Variants in HACD2 observed in about 807,000 individuals in gnomAD.
The protein encoded by HACD2 is very-long-chain (3R)-3-hydroxyacyl-CoA dehydratase 2.
In HACD2, 15 loss-of-function variants were observed where a neutral mutation model predicts 31.0. The observed-to-expected ratio is 0.48, with a 90% confidence interval of 0.32 to 0.75. The LOEUF is 0.75. Among genes scored for constraint, HACD2 ranks in the 30% least tolerant of loss-of-function variants. The pLI is 0.03. For missense variants in HACD2, 283 were observed against 313.0 expected (o/e 0.90, Z 0.72); for synonymous variants, 115 against 122.2 (o/e 0.94, Z 0.39).
At chr3:123,500,714 C>A in intron 5 of HACD2, 21 bp from the exon 6 acceptor site, 1 of 1,559,266 alleles carries the variant, frequency 6.4e-7, no homozygotes, top group Non-Finnish European at 8.7e-7. Context: ...ACAAAATATT[C>A]ATTACTGAGG....
chr3:123,567,212 C>T (rs2056801433), intron 3 of HACD2, among the ~76,000 whole-genome samples: 1 of 152,164 alleles, frequency 6.6e-6, no homozygotes, highest in Admixed American at 6.5e-5. Flanking sequence ...CTCTATTCCA[C>T]AGCAATATTT....
chr3:123,560,717 C>T (rs1309480918), intron 3 of HACD2, among the ~76,000 whole-genome samples: 1 of 152,182 alleles, frequency 6.6e-6, no homozygotes, highest in Non-Finnish European at 1.5e-5. Flanking sequence ...GGATTAGAAA[C>T]TTGTTCTTTG....
At chr3:123,519,865 T>C (rs962928799) in intron 4 of HACD2, among the ~76,000 whole-genome samples, 1 of 152,236 alleles carries the variant, frequency 6.6e-6, no homozygotes, top group African/African-American at 2.4e-5. Context: ...CTAACTTTTC[T>C]TGGCTTTGCT....
chr3:123,516,148 A>G (rs936132375), intron 4 of HACD2, among the ~76,000 whole-genome samples: 6 of 152,200 alleles, frequency 3.9e-5, no homozygotes, highest in Non-Finnish European at 8.8e-5. Context: ...TGCTAAACAA[A>G]ATACTATTCC....
chr3:123,529,108 A>C (rs188036595), intron 3 of HACD2, among the ~76,000 whole-genome samples: 98 of 150,114 alleles, frequency 6.5e-4, no homozygotes, highest in South Asian at 1.1e-3. Flanking sequence ...TATTTTCTTT[A>C]TTTATTTTTT....
At chr3:123,514,960 T>C (rs1196286741) in intron 4 of HACD2, among the ~76,000 whole-genome samples, 1 of 152,218 alleles carries the variant, frequency 6.6e-6, no homozygotes, top group Non-Finnish European at 1.5e-5. Flanking sequence ...GTTAGAAACC[T>C]CAGGACACAG....
At chr3:123,526,114 AG>A (rs1363541428) in intron 4 of HACD2, among the ~76,000 whole-genome samples, 1 of 152,012 alleles carries the variant, frequency 6.6e-6, no homozygotes, top group African/African-American at 2.4e-5. Context: ...CTGGCCTCTG[AG>A]GGGCCACAGC....
intron 2 of HACD2, among the ~76,000 whole-genome samples, chr3:123,570,441 G>A (rs1353092252): frequency 6.6e-6 from 1 of 152,164 alleles, no homozygotes; most frequent in South Asian, 2.1e-4. Context: ...AAGGGCAGAT[G>A]TAGAGGTACA....
At chr3:123,541,381 G>A (rs2056488898) in intron 3 of HACD2, among the ~76,000 whole-genome samples, 1 of 152,162 alleles carries the variant, frequency 6.6e-6, no homozygotes, top group Non-Finnish European at 1.5e-5. Flanking sequence ...CTAAACCAGC[G>A]ATCGCAGGAT....
intron 1 of HACD2, among the ~76,000 whole-genome samples, 180 bp from the exon 2 acceptor site, chr3:123,582,509 C>A (rs945458869): frequency 6.6e-6 from 1 of 152,052 alleles, no homozygotes; most frequent in Non-Finnish European, 1.5e-5. Context: ...GTTGCAACAC[C>A]GACAGCACCT....
At position 123,493,361 on chromosome 3, in the gene HACD2, A is replaced by G. The variant is rs76818252; in HGVS notation, c.*1527T>C. The G allele has an allele frequency of 6.6e-6, 1 of 151,308 alleles. No homozygotes were observed. Among genetic ancestry groups the G allele is most frequent in the African/African-American group, 2.4e-5 (1 of 41,200 alleles). 9.4% of individuals were successfully genotyped at this position (151,308 alleles called of 1,614,324 possible). ...ACAGAGCGAGACTCCGTCTCAAGAG[A>G]AAAAAAAAATTTAGTTTTCCAGTAT... is the stretch of plus-strand genomic sequence containing the variant. On this transcript the variant is annotated 3_prime_UTR_variant, in exon 7 of 7. Coordinates refer to ENST00000383657, the MANE Select transcript of HACD2 (RefSeq NM_198402.5).
intron 2 of HACD2, among the ~76,000 whole-genome samples, chr3:123,569,561 C>T (rs1362268548): frequency 1.3e-5 from 2 of 152,124 alleles, no homozygotes; most frequent in Non-Finnish European, 2.9e-5. Flanking sequence ...AGGCTTTTGC[C>T]ATGTTGCCCA....
At chr3:123,527,456 C>A (rs1279834094) in intron 4 of HACD2, among the ~76,000 whole-genome samples, 2 of 152,198 alleles carry the variant, frequency 1.3e-5, no homozygotes, top group Admixed American at 1.3e-4. Context: ...TGTATCCATA[C>A]TGTATATGCT....
At chr3:123,558,159 C>T (rs938785648) in intron 3 of HACD2, among the ~76,000 whole-genome samples, 1 of 152,114 alleles carries the variant, frequency 6.6e-6, no homozygotes, top group Non-Finnish European at 1.5e-5. Context: ...ATTACTAAGT[C>T]AAAGAAGTCG....
At chr3:123,529,817 G>A (rs75851115) in intron 3 of HACD2, among the ~76,000 whole-genome samples, 5,214 of 152,054 alleles carry the variant, frequency 0.034, 90 homozygotes, top group Middle Eastern at 0.088. Context: ...ACAGCTAACA[G>A]AGCTAATTAG....
At chr3:123,514,811 A>G (rs2056112689) in intron 4 of HACD2, among the ~76,000 whole-genome samples, 1 of 152,252 alleles carries the variant, frequency 6.6e-6, no homozygotes, top group African/African-American at 2.4e-5. Flanking sequence ...AGATAATGAT[A>G]GTTCCCATTA....
chr3:123,582,593 T>A (rs758791390), intron 1 of HACD2, among the ~76,000 whole-genome samples: 102 of 152,282 alleles, frequency 6.7e-4, no homozygotes, highest in Middle Eastern at 3.4e-3. Flanking sequence ...ACTTTGCTAT[T>A]GAGATCAAGG....
At chr3:123,519,954 G>C (rs1265930720) in intron 4 of HACD2, among the ~76,000 whole-genome samples, 1 of 152,136 alleles carries the variant, frequency 6.6e-6, no homozygotes, top group East Asian at 1.9e-4. Context: ...AAACTCAGTG[G>C]GATAATAACG....
chr3:123,494,819 C>T lies in HACD2; in HGVS notation c.*69G>A, dbSNP rs2055812543. On this transcript the variant is annotated 3_prime_UTR_variant, in exon 7 of 7. Transcript: ENST00000383657. ...TATTTTCTATGAAACGTATTGGGAA[C>T]TCAAAAAATCTGCAGCATTTTTTGA... 4 of 1,000,418 alleles carry T rather than the reference C, an allele frequency of 4.0e-6. No individual in the cohort carries two copies. The highest frequency in any genetic ancestry group is 6.1e-6 in the Non-Finnish European group (4 of 653,944). 62.0% of individuals were successfully genotyped at this position (1,000,418 alleles called of 1,614,324 possible). A position where few individuals can be genotyped will look rare whatever the true frequency, so the allele number is the denominator to read the frequency against.
Sources: allele counts gnomAD v4.1 joint callset (sites outside exome capture counted in the v4.1 genomes callset), GRCh38; gene constraint gnomAD v4.1.1; transcripts MANE v1.5; gene names NCBI Gene and HGNC (gene_info 2026-07-23, HGNC 2026-07-21).